LRRC69: variants seen among roughly 807,000 people sequenced by gnomAD.
LRRC69 encodes leucine-rich repeat-containing protein 69.
A neutral mutation model predicts 37.8 loss-of-function variants in LRRC69; 42 were observed. That is an observed-to-expected ratio of 1.11 (90% confidence interval 0.87 to 1.44). The LOEUF (loss-of-function observed/expected upper bound fraction) is 1.44, where lower values mean the gene tolerates loss of function less well. Among genes scored for constraint, LRRC69 ranks in the 40% most tolerant of loss-of-function variants. LRRC69 has a pLI of 0.00. For synonymous variants in LRRC69, 141 were observed against 143.1 expected (o/e 0.99, Z 0.11); for missense variants, 357 against 401.9 (o/e 0.89, Z 0.96).
chr8:91,195,902 T>G (rs529359907), intron 6 of LRRC69, among the ~76,000 whole-genome samples: 138 of 152,318 alleles, frequency 9.1e-4, no homozygotes, highest in African/African-American at 1.6e-3. Context: ...GTTAGCTGGT[T>G]ATTTTGCTCA....
At chr8:91,218,380 A>G (rs548952904) in intron 7 of LRRC69, among the ~76,000 whole-genome samples, 1 of 54,460 alleles carries the variant, frequency 1.8e-5, no homozygotes, top group African/African-American at 1.1e-4. Context: ...CAAAAATTTA[A>G]TTCATGTATT....
chr8:91,154,419 A>G (rs568625621), intron 5 of LRRC69, among the ~76,000 whole-genome samples: 3 of 151,784 alleles, frequency 2.0e-5, no homozygotes, highest in Admixed American at 2.0e-4. Flanking sequence ...TGGCAGACAC[A>G]CAACAAAAAA....
chr8:91,112,086 A>T (rs937644675), intron 1 of LRRC69, among the ~76,000 whole-genome samples: 1 of 151,978 alleles, frequency 6.6e-6, no homozygotes, highest in Non-Finnish European at 1.5e-5. Flanking sequence ...TTTAATGAAA[A>T]CAGAATCCTG....
chr8:91,140,022 A>G (rs80242005), intron 5 of LRRC69, among the ~76,000 whole-genome samples: 2,752 of 147,936 alleles, frequency 0.019, 76 homozygotes, highest in African/African-American at 0.065. Flanking sequence ...CAGAAGGCAG[A>G]GGTTGCGGTG....
intron 7 of LRRC69, among the ~76,000 whole-genome samples, chr8:91,206,317 T>C: frequency 6.6e-6 from 1 of 152,148 alleles, no homozygotes; most frequent in East Asian, 1.9e-4. Flanking sequence ...AACATTAAAA[T>C]AGTGGTTGAG....
rs528652530 is a variant in LRRC69, at chr8:91,158,581, G to C, written c.651+22842G>C. On this transcript the variant is annotated intron_variant, in intron 5 of 7. Coordinates refer to ENST00000448384, the Ensembl canonical transcript of LRRC69. ...CATAGCTTCTAATACAAGCACAGGG[G>C]TGTTTATAGTTCTGATGTCTTTGAC... 3.3e-5 allele frequency: 44 copies of C among 1,318,150 alleles called. No homozygotes were observed. The African/African-American group carries it at 5.8e-4, about 17-fold the overall frequency. 81.7% of individuals were successfully genotyped at this position (1,318,150 alleles called of 1,614,324 possible). A position where few individuals can be genotyped will look rare whatever the true frequency, so the allele number is the denominator to read the frequency against.
chr8:91,183,060 A>C (rs528171179), intron 5 of LRRC69, among the ~76,000 whole-genome samples: 1 of 152,268 alleles, frequency 6.6e-6, no homozygotes, highest in Admixed American at 6.5e-5. Context: ...CTAGAGTGAG[A>C]GGGAACATGA....
intron 5 of LRRC69, among the ~76,000 whole-genome samples, chr8:91,141,243 G>A (rs550456300): frequency 1.4e-4 from 22 of 152,180 alleles, no homozygotes; most frequent in African/African-American, 4.8e-4. Context: ...TCCTGAGGCT[G>A]CTATAGCAAA....
intron 5 of LRRC69, among the ~76,000 whole-genome samples, chr8:91,163,507 G>T (rs1808980627): frequency 6.6e-6 from 1 of 151,356 alleles, no homozygotes; most frequent in Non-Finnish European, 1.5e-5. Context: ...CTTTGGGAGG[G>T]TCTCAAAAAT....
intron 7 of LRRC69, among the ~76,000 whole-genome samples, chr8:91,214,419 C>T (rs1301901446): frequency 6.6e-6 from 1 of 152,166 alleles, no homozygotes; most frequent in African/African-American, 2.4e-5. Flanking sequence ...AACATGTGCA[C>T]TTTCCAACAA....
chr8:91,169,114 A>T (rs1056226913), intron 5 of LRRC69, among the ~76,000 whole-genome samples: 1 of 151,974 alleles, frequency 6.6e-6, no homozygotes, highest in African/African-American at 2.4e-5. Context: ...TGTCCTTTTT[A>T]GAGCTGGAGG....
intron 5 of LRRC69, among the ~76,000 whole-genome samples, chr8:91,177,930 G>T (rs1036295480): frequency 2.7e-5 from 4 of 146,840 alleles, no homozygotes; most frequent in Admixed American, 6.9e-5. Context: ...CTCACGGTAC[G>T]CTCCGCCTCC....
Position 91,199,735 on chromosome 8 carries a change from C to T in LRRC69, c.754-878C>T, listed in dbSNP as rs563925948. Among the ~76,000 whole-genome samples, 27 of 152,208 alleles carry T rather than the reference C, an allele frequency of 1.8e-4. No homozygotes were observed. In the South Asian group the frequency reaches 5.6e-3, roughly 32 times the overall value. On this transcript the variant is annotated intron_variant, in intron 6 of 7. Coordinates refer to ENST00000448384, the Ensembl canonical transcript of LRRC69. ...TTTGTGTAACATTTATACAGGACTT[C>T]CATGCTACTGACAAAAACAATGGAG... is the stretch of plus-strand genomic sequence containing the variant.
At chr8:91,112,575 A>G (rs1300947416) in intron 1 of LRRC69, among the ~76,000 whole-genome samples, 1 of 152,102 alleles carries the variant, frequency 6.6e-6, no homozygotes, top group Non-Finnish European at 1.5e-5. Context: ...TAGGTATAGA[A>G]GCAATTTACC....
chr8:91,122,429 T>G (rs1028453997), intron 1 of LRRC69, among the ~76,000 whole-genome samples: 1 of 152,080 alleles, frequency 6.6e-6, no homozygotes, highest in African/African-American at 2.4e-5. Context: ...CAAAAAAAAC[T>G]CATTGTTCCT....
At chr8:91,201,464 A>G (rs1809709762) in intron 7 of LRRC69, among the ~76,000 whole-genome samples, 2 of 152,172 alleles carry the variant, frequency 1.3e-5, no homozygotes, top group African/African-American at 4.8e-5. Flanking sequence ...TTACTTGTGA[A>G]TTTAAATTTC....
chr8:91,189,824 T>A (rs1241018043), intron 6 of LRRC69, among the ~76,000 whole-genome samples: 1 of 152,098 alleles, frequency 6.6e-6, no homozygotes, highest in Non-Finnish European at 1.5e-5. Context: ...ATTCCCAGAG[T>A]GACTTAATTC....
chr8:91,157,581 T>C, intron 5 of LRRC69: 1 of 1,541,984 alleles, frequency 6.5e-7, no homozygotes, highest in Non-Finnish European at 8.9e-7. Flanking sequence ...TCAGAATGTT[T>C]ACAACTGCAC....
intron 2 of LRRC69, 139 bp from the exon 3 acceptor site, chr8:91,126,949 G>A: frequency 1.5e-6 from 1 of 651,416 alleles, no homozygotes; most frequent in Non-Finnish European, 2.7e-6. Context: ...GCTAGTTTAA[G>A]AGGGTTTCTG....
Sources: gnomAD v4.1 joint callset for allele counts (sites outside exome capture counted in the v4.1 genomes callset) on GRCh38, gnomAD v4.1.1 for gene constraint, MANE v1.5 for transcripts, NCBI Gene and HGNC (gene_info 2026-07-23, HGNC 2026-07-21) for gene names.